Variants in KLB observed in about 807,000 individuals in gnomAD.
The protein encoded by KLB is klotho beta, also known as beta-klotho.
KLB carries 44 observed loss-of-function variants against 88.4 expected under a neutral mutation model. The observed-to-expected ratio is 0.50, with a 90% CI of 0.39 to 0.64. The LOEUF (loss-of-function observed/expected upper bound fraction) is 0.64, where lower values mean the gene tolerates loss of function less well. Among genes scored for constraint, KLB ranks in the 30% least tolerant of loss-of-function variants. The pLI, the probability that KLB is intolerant of heterozygous loss-of-function variation, is 0.00. For synonymous variants in KLB, 548 were observed against 513.4 expected, an observed-to-expected ratio of 1.07 and a Z score of -0.91; for missense variants, 1,137 against 1,304.8, an observed-to-expected ratio of 0.87 and a Z score of 1.98.
At position 39,445,687 on chromosome 4, in the gene KLB, T is replaced by TTTG. The variant is rs1482993236; in HGVS notation, c.1606-643_1606-642insGTT. Among the ~76,000 whole-genome samples the TTTG allele has an allele frequency of 5.6e-3, 434 of 77,464 alleles. 2 individuals carry two copies. Among genetic ancestry groups the TTTG allele is most frequent in the African/African-American group, 6.7e-3 (200 of 29,710 alleles). 50.8% of individuals were successfully genotyped at this position (77,464 alleles called of 152,430 possible). Reference sequence around the variant, plus strand: ...GCCTGGCTAATCTTGTTTTTTTGTTTTTTTTTTTTTTTTTAGTAGAGACGG... The same window carrying TTTG: ...GCCTGGCTAATCTTGTTTTTTTGTTTTTGTTTTTTTTTTTTTTAGTAGAGACGG... On this transcript the variant is annotated intron_variant, in intron 3 of 4. Transcript: ENST00000257408.
Position 39,410,172 on chromosome 4 carries a change from A to C in KLB, c.825+2398A>C, listed in dbSNP as rs28542967. ...TACCTGGAAAAATGTCAACAATTAG[A>C]GTTTTCATGAAAATGTATTTTAAGG... is the stretch of plus-strand genomic sequence containing the variant. On this transcript the variant is annotated intron_variant, in intron 1 of 4. Transcript: ENST00000257408. Among the ~76,000 whole-genome samples the C allele has an allele frequency of 2.2e-3, 339 of 152,340 alleles. 10 individuals are homozygous for C. The East Asian group carries it at 0.061, about 28-fold the overall frequency.
chr4:39,408,870 C>T (rs1304400402), intron 1 of KLB, among the ~76,000 whole-genome samples: 2 of 148,212 alleles, frequency 1.3e-5, no homozygotes, highest in Non-Finnish European at 3.0e-5. Context: ...AATGAAAAAA[C>T]TTTATCAATA....
intron 1 of KLB, among the ~76,000 whole-genome samples, chr4:39,421,786 A>G (rs1482760128): frequency 6.6e-6 from 1 of 150,604 alleles, no homozygotes; most frequent in East Asian, 1.9e-4. Flanking sequence ...TCACTCTGTC[A>G]CCCAGACTGG....
chr4:39,423,644 G>A (rs948197335), intron 1 of KLB, among the ~76,000 whole-genome samples: 1 of 151,646 alleles, frequency 6.6e-6, no homozygotes, highest in Non-Finnish European at 1.5e-5. Context: ...AATAAGGTAC[G>A]TCAAGTAACC....
intron 1 of KLB, among the ~76,000 whole-genome samples, chr4:39,419,642 G>A (rs892239122): frequency 6.6e-6 from 1 of 151,984 alleles, no homozygotes; most frequent in African/African-American, 2.4e-5. Context: ...TGGGTATGGT[G>A]GCGTGTGCCT....
At chr4:39,432,057 T>A (rs1578209230) in intron 1 of KLB, among the ~76,000 whole-genome samples, 1 of 152,100 alleles carries the variant, frequency 6.6e-6, no homozygotes, top group East Asian at 1.9e-4. Flanking sequence ...GAGGCCGAGG[T>A]GTGTGGATCA....
In KLB at chr4:39,424,642, C is replaced by CT. The variant is rs752534103; in HGVS notation, c.826-9561dup. On this transcript the variant is annotated intron_variant, in intron 1 of 4. Coordinates refer to ENST00000257408, the MANE Select transcript of KLB (RefSeq NM_175737.4). ...TCCATGGTGGTTTCTTTTTCTTTTT[C>CT]TTTTTTTGAGATGGAGCTTCGCACT... Among the ~76,000 whole-genome samples the CT allele has an allele frequency of 2.7e-4, 40 of 147,964 alleles. No homozygotes were observed. The East Asian group carries it at 4.0e-3, about 15-fold the overall frequency.
At position 39,447,468 on chromosome 4, in the gene KLB, G is replaced by A. The variant is rs762017842; in HGVS notation, c.2742G>A (p.Val914=). 12 of 1,573,646 alleles carry A rather than the reference G, an allele frequency of 7.6e-6. No individual in the cohort carries two copies. In the Admixed American group the frequency reaches 2.0e-4, roughly 26 times the overall value. Residue 914 remains valine, a synonymous_variant, in exon 4 of 5, where the codon GTG becomes GTA. Transcript: ENST00000257408. ...ACCTAGGGAAGTACCTTCAGGAGGT[G>A]CTGAAAGGTAAGGGCGGGGCCCCTT... ...KYYLGKYLQE[V]LKAYLIDKVR...
rs369106058 is a variant in KLB at position 39,423,078 on chromosome 4, T to C, written c.826-11132T>C. ...CACCGCTCCCGGCCTCAGTCTAACATTGACAATGGTGTAAAGATCACCATT... is the reference window on the plus strand; with the variant it reads ...CACCGCTCCCGGCCTCAGTCTAACACTGACAATGGTGTAAAGATCACCATT... On this transcript the variant is annotated intron_variant, in intron 1 of 4. Transcript: ENST00000257408. Among the ~76,000 whole-genome samples the C allele has an allele frequency of 1.1e-4, 16 of 151,930 alleles. 1 individual carries two copies. Among genetic ancestry groups the C allele is most frequent in the African/African-American group, 3.9e-4 (16 of 41,194 alleles).
intron 1 of KLB, among the ~76,000 whole-genome samples, chr4:39,413,726 GAA>G (rs200454222): frequency 7.2e-6 from 1 of 138,760 alleles, no homozygotes; most frequent in African/African-American, 2.6e-5. Context: ...CCTGTCTCAG[GAA>G]AAAAAAAAAA....
At chr4:39,442,407 A>G (rs1743619549) in intron 3 of KLB, among the ~76,000 whole-genome samples, 1 of 151,246 alleles carries the variant, frequency 6.6e-6, no homozygotes, top group Non-Finnish European at 1.5e-5. Flanking sequence ...ACATGCTGCC[A>G]TATTTGTTTC....
intron 2 of KLB, among the ~76,000 whole-genome samples, chr4:39,434,951 T>C (rs1026565527): frequency 7.3e-5 from 11 of 150,890 alleles, no homozygotes; most frequent in Non-Finnish European, 1.3e-4. Flanking sequence ...GGATTACAGG[T>C]GTCCACCACC....
At chr4:39,409,611 A>G (rs984385054) in intron 1 of KLB, among the ~76,000 whole-genome samples, 3 of 151,470 alleles carry the variant, frequency 2.0e-5, no homozygotes, top group African/African-American at 7.3e-5. Flanking sequence ...TTTTAAAACA[A>G]TTCATGCTCA....
At chr4:39,435,530 ATTC>A (rs781450488) in intron 2 of KLB, among the ~76,000 whole-genome samples, 5 of 151,740 alleles carry the variant, frequency 3.3e-5, no homozygotes, top group Admixed American at 6.6e-5. Flanking sequence ...GGTTCAAGCA[ATTC>A]TTCTGCTTCA....
intron 1 of KLB, among the ~76,000 whole-genome samples, chr4:39,420,337 A>G (rs1340430708): frequency 2.0e-5 from 3 of 152,154 alleles, no homozygotes; most frequent in Non-Finnish European, 4.4e-5. Context: ...TCCTCCTTAC[A>G]TTGTTTTGAA....
Position 39,446,530 on chromosome 4 carries a change from G to A in KLB, c.1804G>A (p.Asp602Asn). The A allele has an allele frequency of 2.5e-6, 4 of 1,614,240 alleles. No individual in the cohort carries two copies. Among genetic ancestry groups the A allele is most frequent in the Non-Finnish European group, 3.4e-6 (4 of 1,180,036 alleles). Reference protein sequence around the residue: ...MKVTHYRFALDWASVLPTGNL... With the variant: ...MKVTHYRFALNWASVLPTGNL... ...AGTCACCCACTACCGGTTTGCTCTGGATTGGGCCTCGGTCCTTCCCACTGG... is the reference window on the plus strand; with the variant it reads ...AGTCACCCACTACCGGTTTGCTCTGAATTGGGCCTCGGTCCTTCCCACTGG... The change falls in exon 4 of 5, where the codon GAT (aspartate) becomes AAT (asparagine). Residue 602 changes from aspartate (D) to asparagine (N), a missense_variant. By Grantham distance (23) the Asp-to-Asn change is conservative. This residue lies in a region of KLB where 597 missense variants were observed against 765.2 expected (regional missense o/e 0.78). Coordinates refer to ENST00000257408, the MANE Select transcript of KLB (RefSeq NM_175737.4). The surrounding 1 kb of genome is among the most constrained non-coding windows in gnomAD (Gnocchi z 6.4).
chr4:39,426,604 T>A (rs545565281), intron 1 of KLB, among the ~76,000 whole-genome samples: 1 of 152,078 alleles, frequency 6.6e-6, no homozygotes, highest in African/African-American at 2.4e-5. Context: ...AATAGTCACA[T>A]AATATAATTA....
intron 3 of KLB, among the ~76,000 whole-genome samples, chr4:39,443,905 C>T (rs968147146): frequency 2.0e-5 from 3 of 151,842 alleles, no homozygotes; most frequent in Admixed American, 2.0e-4. Context: ...ACCTGTAATC[C>T]CAGCACTTTG....
chr4:39,417,801 T>C (rs1029865806), intron 1 of KLB, among the ~76,000 whole-genome samples: 1 of 152,218 alleles, frequency 6.6e-6, no homozygotes. Context: ...AATTCACTCA[T>C]CAGCTTTGCC....
Sources: allele counts gnomAD v4.1 joint callset (sites outside exome capture counted in the v4.1 genomes callset), GRCh38; gene constraint gnomAD v4.1.1; regional missense constraint gnomAD v4.1.1; non-coding constraint Gnocchi (gnomAD v3.1); transcripts MANE v1.5; gene names NCBI Gene and HGNC (gene_info 2026-07-23, HGNC 2026-07-21).